The following SMARCC1 variants were observed in gnomAD, a reference collection of about 807,000 sequenced individuals.
SMARCC1 encodes SWI/SNF complex subunit SMARCC1.
SMARCC1 carries 43 observed loss-of-function variants against 147.4 expected under a neutral mutation model. That is an observed-to-expected ratio of 0.29 (90% CI 0.23 to 0.38). The LOEUF (loss-of-function observed/expected upper bound fraction) is 0.38. SMARCC1 is among the 10% of genes least tolerant of loss of function. The probability of loss-of-function intolerance (pLI) is 1.00; values close to 1 mark genes in which losing one functional copy is unlikely to be tolerated. For synonymous variants in SMARCC1, 495 were observed against 484.4 expected (o/e 1.02, Z -0.29); for missense variants, 1,119 against 1,381.1 (o/e 0.81, Z 3.01).
chr3:47,700,103 A>G (rs1485345742), intron 11 of SMARCC1, among the ~76,000 whole-genome samples: 1 of 152,092 alleles, frequency 6.6e-6, no homozygotes, highest in Non-Finnish European at 1.5e-5. Flanking sequence ...GCTGTTTTGA[A>G]GAACTGTAAT....
In SMARCC1 at chr3:47,736,021, T is replaced by C. The variant is rs376776764; in HGVS notation, c.576+13A>G. ...TCGTGTCTATTATTATCTGAAGTGA[T>C]TGTGTCTATTACCTGATGTCGTTTG... On this transcript the variant is annotated intron_variant, in intron 5 of 27. Transcript: ENST00000254480. 6 of 1,294,968 alleles carry C rather than the reference T, an allele frequency of 4.6e-6. No individual in the cohort carries two copies. Among genetic ancestry groups the C allele is most frequent in the African/African-American group, 4.4e-5 (3 of 67,632 alleles). 80.2% of individuals were successfully genotyped at this position (1,294,968 alleles called of 1,614,324 possible).
chr3:47,605,438 A>G (rs2032456663), intron 26 of SMARCC1, among the ~76,000 whole-genome samples: 1 of 152,230 alleles, frequency 6.6e-6, no homozygotes, highest in South Asian at 2.1e-4. Flanking sequence ...ACCACAAACA[A>G]TAATGTGGAC....
chr3:47,675,566 A>T lies in SMARCC1; in HGVS notation c.1748T>A (p.Leu583Gln), dbSNP rs1455333810. The T allele has an allele frequency of 6.2e-7, 1 of 1,608,644 alleles. No homozygotes were observed. The highest frequency in any genetic ancestry group is 8.5e-7 in the Non-Finnish European group (1 of 1,175,014). The change falls in exon 18 of 28, where the codon CTA becomes CAA. Residue 583 changes from leucine to glutamine, a missense_variant. Leu to Gln is a moderately radical substitution (Grantham distance 113). This residue lies in a region of SMARCC1 where 178 missense variants were observed against 264.6 expected (regional missense o/e 0.67). Coordinates refer to ENST00000254480, the MANE Select transcript of SMARCC1 (RefSeq NM_003074.4). ...SPQVPAAQQM[L>Q]NFPEKNKEKP... ...TTCCTTGTTTTTCTCAGGAAAATTT[A>T]GCATCTGTTGAGCAGCAGGAACCTG...
At chr3:47,606,768 ACAATCACAG>A (rs1163666473) in intron 26 of SMARCC1, among the ~76,000 whole-genome samples, 1 of 152,096 alleles carries the variant, frequency 6.6e-6, no homozygotes, top group Non-Finnish European at 1.5e-5. Flanking sequence ...GTGCAGTGTC[ACAATCACAG>A]CTCACTTGCA....
intron 1 of SMARCC1, among the ~76,000 whole-genome samples, chr3:47,781,143 G>T (rs575189087): frequency 1.3e-5 from 2 of 152,156 alleles, no homozygotes; most frequent in Admixed American, 1.3e-4. Context: ...CATATTGCCT[G>T]TTATTAATTA....
intron 2 of SMARCC1, among the ~76,000 whole-genome samples, chr3:47,757,625 A>C (rs1194643758): frequency 6.6e-6 from 1 of 151,930 alleles, no homozygotes; most frequent in Non-Finnish European, 1.5e-5. Context: ...TCTACTAAAA[A>C]TACAAAAACT....
At chr3:47,590,952 T>G in intron 26 of SMARCC1, 115 bp from the exon 27 acceptor site, 3 of 883,388 alleles carry the variant, frequency 3.4e-6, no homozygotes, top group Non-Finnish European at 5.3e-6. Context: ...ATCTGAAATA[T>G]CAACAGAGCA....
intron 19 of SMARCC1, among the ~76,000 whole-genome samples, chr3:47,664,774 T>C (rs972598465): frequency 6.6e-6 from 1 of 152,188 alleles, no homozygotes; most frequent in African/African-American, 2.4e-5. Context: ...GGAGAAGTGC[T>C]GCTGGTATCT....
intron 26 of SMARCC1, chr3:47,604,564 C>T (rs905301140): frequency 1.6e-4 from 49 of 309,616 alleles, no homozygotes; most frequent in South Asian, 5.5e-4. Flanking sequence ...CAAAATGCTA[C>T]GGACAATCTT....
chr3:47,735,896 AC>A, intron 5 of SMARCC1, 137 bp downstream of exon 5: 4 of 473,458 alleles, frequency 8.4e-6, no homozygotes, highest in South Asian at 4.1e-5. Flanking sequence ...AAAAAAAAAA[AC>A]TCAAGAAAAA....
chr3:47,675,641 G>A (rs763601510), intron 17 of SMARCC1, 53 bp from the exon 18 acceptor site: 6 of 1,006,510 alleles, frequency 6.0e-6, no homozygotes, highest in Non-Finnish European at 9.4e-6. Flanking sequence ...AGTCAAGAGG[G>A]TAAATGTTTT....
chr3:47,722,742 T>G (rs547870447), intron 6 of SMARCC1, among the ~76,000 whole-genome samples: 2 of 152,206 alleles, frequency 1.3e-5, no homozygotes, highest in Non-Finnish European at 2.9e-5. Context: ...TATAGAAGTA[T>G]GGCTGAATGA....
intron 7 of SMARCC1, 80 bp from the exon 8 acceptor site, chr3:47,714,570 A>C: frequency 1.3e-6 from 1 of 748,452 alleles, no homozygotes; most frequent in Non-Finnish European, 2.3e-6. Flanking sequence ...TAATAAGAAC[A>C]TGTTTTAGAA....
chr3:47,765,080 T>G (rs1162504180), intron 2 of SMARCC1, among the ~76,000 whole-genome samples: 1 of 152,078 alleles, frequency 6.6e-6, no homozygotes, highest in Non-Finnish European at 1.5e-5. Context: ...GGAGAAACCC[T>G]GTCTCTACCA....
At chr3:47,672,405 A>G (rs2033512969) in intron 18 of SMARCC1, among the ~76,000 whole-genome samples, 1 of 152,000 alleles carries the variant, frequency 6.6e-6, no homozygotes, top group Non-Finnish European at 1.5e-5. Flanking sequence ...ACAGGGTTTC[A>G]CCGTGTTAGC....
At chr3:47,654,005 T>C (rs931464930) in intron 21 of SMARCC1, among the ~76,000 whole-genome samples, 4 of 152,236 alleles carry the variant, frequency 2.6e-5, no homozygotes, top group African/African-American at 9.6e-5. Flanking sequence ...CCAAGGTTGC[T>C]AGATACTTCA....
chr3:47,622,091 G>C, intron 25 of SMARCC1, 116 bp downstream of exon 25: 1 of 901,304 alleles, frequency 1.1e-6, no homozygotes, highest in Non-Finnish European at 1.8e-6. Context: ...AAAAAGGACA[G>C]AAGTTAGCCA....
At chr3:47,703,934 C>A (rs562665076) in intron 10 of SMARCC1, among the ~76,000 whole-genome samples, 1 of 152,208 alleles carries the variant, frequency 6.6e-6, no homozygotes, top group South Asian at 2.1e-4. Context: ...GTAGCTGGGA[C>A]TACAGGCGCC....
chr3:47,733,863 CAA>C lies in SMARCC1; in HGVS notation c.576+2169_576+2170del, dbSNP rs35679222. Among the ~76,000 whole-genome samples, 420 of 72,362 alleles carry C rather than the reference CAA, an allele frequency of 5.8e-3. 1 individual carries two copies. Among genetic ancestry groups the C allele is most frequent in the Middle Eastern group, 0.041 (5 of 122 alleles). 47.5% of individuals were successfully genotyped at this position (72,362 alleles called of 152,430 possible). On this transcript the variant is annotated intron_variant, in intron 5 of 27. Transcript: ENST00000254480. ...TGGGCGACACAGCGAGACTCTGTCT[CAA>C]AAAAAAAAAAAAAAAAGGTATATAT...
Sources: gnomAD v4.1 joint callset for allele counts (sites outside exome capture counted in the v4.1 genomes callset) on GRCh38, gnomAD v4.1.1 for gene constraint, gnomAD v4.1.1 regional missense constraint, MANE v1.5 for transcripts, NCBI Gene and HGNC (gene_info 2026-07-23, HGNC 2026-07-21) for gene names.